GAB2: variants seen among roughly 807,000 people sequenced by gnomAD.
GAB2 encodes GRB2 associated binding protein 2, also known as GRB2-associated-binding protein 2.
In GAB2, 26 loss-of-function variants were observed where a neutral mutation model predicts 65.5. The ratio of observed to expected loss-of-function variants is 0.40; its 90% CI spans 0.29 to 0.55. The LOEUF (loss-of-function observed/expected upper bound fraction) is 0.55. Ranked by LOEUF, GAB2 falls within the 20% of genes least tolerant of loss-of-function variation. The pLI is 0.53. For synonymous variants in GAB2, 321 were observed against 329.6 expected, an observed-to-expected ratio of 0.97 and a Z score of 0.28; for missense variants, 884 against 875.8, an observed-to-expected ratio of 1.01 and a Z score of -0.12.
chr11:78,341,798 G>C, intron 1 of GAB2: 3 of 985,992 alleles, frequency 3.0e-6, no homozygotes, highest in Non-Finnish European at 3.6e-6. Flanking sequence ...TCCCTCACTT[G>C]TCTCTCTATT....
chr11:78,371,406 G>A (rs1765005415), intron 1 of GAB2, among the ~76,000 whole-genome samples: 1 of 152,200 alleles, frequency 6.6e-6, no homozygotes, highest in Non-Finnish European at 1.5e-5. Flanking sequence ...TTATAGTGAA[G>A]ATTAAATGAG....
At chr11:78,307,604 T>TAGAGGGAGAGAGAGAGAGAGAG (rs372962811) in intron 1 of GAB2, among the ~76,000 whole-genome samples, 7 of 121,884 alleles carry the variant, frequency 5.7e-5, no homozygotes, top group Non-Finnish European at 1.1e-4. Flanking sequence ...CAAAAAATGT[T>TAGAGGGAGAGAGAGAGAGAGAG]AGAGAGAGAG....
chr11:78,255,650 G>C (rs916181958), intron 2 of GAB2, among the ~76,000 whole-genome samples: 1 of 152,206 alleles, frequency 6.6e-6, no homozygotes, highest in African/African-American at 2.4e-5. Context: ...AAGAGCTTCA[G>C]CCAACTTGGG....
chr11:78,403,592 TG>T (rs897108067), intron 1 of GAB2, among the ~76,000 whole-genome samples: 6 of 152,194 alleles, frequency 3.9e-5, no homozygotes, highest in African/African-American at 9.6e-5. Flanking sequence ...GAAATCAAAA[TG>T]GATTAAGGAC....
At chr11:78,298,119 G>C (rs1866891297) in intron 1 of GAB2, among the ~76,000 whole-genome samples, 1 of 152,148 alleles carries the variant, frequency 6.6e-6, no homozygotes, top group East Asian at 1.9e-4. Flanking sequence ...AGTAGGGCAA[G>C]AGCATGAGTA....
chr11:78,296,234 C>T (rs1444977143), intron 1 of GAB2, among the ~76,000 whole-genome samples: 2 of 152,184 alleles, frequency 1.3e-5, no homozygotes, highest in African/African-American at 4.8e-5. Context: ...TGGTAAGGGT[C>T]CTCGGCCCAG....
intron 1 of GAB2, among the ~76,000 whole-genome samples, chr11:78,286,213 T>G (rs1349700825): frequency 6.6e-6 from 1 of 152,230 alleles, no homozygotes; most frequent in Non-Finnish European, 1.5e-5. Flanking sequence ...TCATGTAATT[T>G]CATGACTTTA....
chr11:78,338,666 C>T (rs1276375432), intron 1 of GAB2, among the ~76,000 whole-genome samples: 1 of 152,122 alleles, frequency 6.6e-6, no homozygotes, highest in African/African-American at 2.4e-5. Context: ...TTAACCAATA[C>T]ACTAACAAGG....
intron 1 of GAB2, among the ~76,000 whole-genome samples, chr11:78,311,256 A>G (rs1406247582): frequency 2.0e-5 from 3 of 152,204 alleles, no homozygotes; most frequent in Non-Finnish European, 4.4e-5. Context: ...TATACATGAA[A>G]GTAAGTTTTG....
intron 1 of GAB2, among the ~76,000 whole-genome samples, chr11:78,362,854 A>C (rs1174862345): frequency 6.6e-6 from 1 of 152,204 alleles, no homozygotes; most frequent in East Asian, 1.9e-4. Context: ...AAAGATATTA[A>C]GGTAAAAAGG....
chr11:78,234,375 G>A (rs1051953226), intron 3 of GAB2, among the ~76,000 whole-genome samples: 33 of 152,160 alleles, frequency 2.2e-4, no homozygotes, highest in Non-Finnish European at 2.2e-4. Flanking sequence ...GAACTACTGC[G>A]CCCAGCCTAG....
intron 1 of GAB2, among the ~76,000 whole-genome samples, chr11:78,340,321 C>T (rs1430729019): frequency 2.0e-5 from 3 of 152,156 alleles, no homozygotes; most frequent in Non-Finnish European, 4.4e-5. Flanking sequence ...ACTGGCAAGA[C>T]AGTCTTTCTC....
At chr11:78,368,258 A>G (rs933351752) in intron 1 of GAB2, among the ~76,000 whole-genome samples, 11 of 152,238 alleles carry the variant, frequency 7.2e-5, no homozygotes, top group African/African-American at 2.4e-4. Flanking sequence ...ACAGCAACTC[A>G]ACCAATGCAT....
chr11:78,291,555 C>CTTTTT (rs796161663), intron 1 of GAB2, among the ~76,000 whole-genome samples: 654 of 55,046 alleles, frequency 0.012, 213 homozygotes, highest in South Asian at 0.019. Context: ...TTACTTTTTT[C>CTTTTT]TTTTTCTTTT....
At chr11:78,265,203 CATATATAT>C (rs10530509) in intron 2 of GAB2, among the ~76,000 whole-genome samples, 1 of 144,908 alleles carries the variant, frequency 6.9e-6, no homozygotes, top group Admixed American at 7.0e-5. Context: ...TTCTATACCA[CATATATAT>C]ATATATATAT....
chr11:78,374,274 C>T (rs559338048), intron 1 of GAB2, among the ~76,000 whole-genome samples: 50 of 152,246 alleles, frequency 3.3e-4, no homozygotes, highest in African/African-American at 1.1e-3. Flanking sequence ...CATCAACCCT[C>T]GAAGAAAAAC....
At chr11:78,260,015 T>A (rs1865689305) in intron 2 of GAB2, among the ~76,000 whole-genome samples, 1 of 152,248 alleles carries the variant, frequency 6.6e-6, no homozygotes, top group Non-Finnish European at 1.5e-5. Flanking sequence ...ACTCATTATT[T>A]GCATGGTAAG....
intron 1 of GAB2, among the ~76,000 whole-genome samples, chr11:78,302,170 T>C (rs1212368233): frequency 1.3e-5 from 2 of 151,946 alleles, no homozygotes; most frequent in Non-Finnish European, 1.5e-5. Flanking sequence ...GCACAGGTAA[T>C]AAAAACAAAG....
Position 78,417,651 on chromosome 11 carries a change from G to A in GAB2, c.70C>T (p.Arg24Cys). The A allele has an allele frequency of 1.5e-6, 2 of 1,376,640 alleles. No homozygotes were observed. The highest frequency in any genetic ancestry group is 1.9e-6 in the Non-Finnish European group (2 of 1,041,182). The allele number at this position is 1,376,640 out of a possible 1,614,324, so 85.3% of individuals were successfully genotyped here. ...GCGGCCGCGCCCGCACTCACATAGCGCCTCAACTTCTTCTCGGGAGGCGAT... is the reference window on the plus strand; with the variant it reads ...GCGGCCGCGCCCGCACTCACATAGCACCTCAACTTCTTCTCGGGAGGCGAT... ...RKSPPEKKLR[R>C]YAWKKRWFIL... Residue 24 changes from arginine (R) to cysteine (C), a missense_variant, in exon 1 of 10, where the codon CGC (arginine) becomes TGC (cysteine). Arg to Cys is a radical substitution (Grantham distance 180). Coordinates refer to ENST00000361507, the MANE Select transcript of GAB2 (RefSeq NM_080491.3).
Sources: gnomAD v4.1 joint callset for allele counts (sites outside exome capture counted in the v4.1 genomes callset) on GRCh38, gnomAD v4.1.1 for gene constraint, MANE v1.5 for transcripts, NCBI Gene and HGNC (gene_info 2026-07-23, HGNC 2026-07-21) for gene names.